The following TULP4 variants were observed in gnomAD, a reference collection of about 807,000 sequenced individuals.
The protein encoded by TULP4 is TUB like protein 4.
Under a neutral mutation model 129.0 loss-of-function variants are expected in TULP4, and 16 were observed. That is an observed-to-expected ratio of 0.12 (90% confidence interval 0.08 to 0.19). The LOEUF is 0.19. TULP4 is among the 10% of genes least tolerant of loss of function. The probability of loss-of-function intolerance (pLI) is 1.00; values close to 1 mark genes in which losing one functional copy is unlikely to be tolerated. For missense variants in TULP4, 1,842 were observed against 2,059.1 expected, an observed-to-expected ratio of 0.89 and a Z score of 2.04; for synonymous variants, 998 against 854.0, an observed-to-expected ratio of 1.17 and a Z score of -2.94.
At chr6:158,404,282 T>A (rs1031344387) in intron 1 of TULP4, among the ~76,000 whole-genome samples, 1 of 152,214 alleles carries the variant, frequency 6.6e-6, no homozygotes, top group Non-Finnish European at 1.5e-5. Flanking sequence ...TGGTAGAAAG[T>A]TCCATAGCCC....
At chr6:158,298,831 C>T (rs891748341) in intron 1 of TULP4, among the ~76,000 whole-genome samples, 15 of 152,112 alleles carry the variant, frequency 9.9e-5, no homozygotes, top group South Asian at 2.1e-4. Flanking sequence ...CAATGTTCTG[C>T]GCCACAAAGA....
At chr6:158,323,684 G>T (rs1303778347) in intron 1 of TULP4, among the ~76,000 whole-genome samples, 1 of 152,190 alleles carries the variant, frequency 6.6e-6, no homozygotes, top group East Asian at 1.9e-4. Flanking sequence ...TGGTAATAGG[G>T]ACTGAGAAGC....
intron 1 of TULP4, among the ~76,000 whole-genome samples, chr6:158,266,360 G>A (rs749405606): frequency 2.0e-4 from 31 of 152,160 alleles, no homozygotes; most frequent in Non-Finnish European, 3.8e-4. Flanking sequence ...GGGTTCCAGC[G>A]AATCTCATGC....
At chr6:158,317,501 C>CTT (rs36152252) in intron 1 of TULP4, among the ~76,000 whole-genome samples, 2 of 151,814 alleles carry the variant, frequency 1.3e-5, no homozygotes, top group Admixed American at 6.6e-5. Flanking sequence ...TGAACTCATC[C>CTT]TTTTTTATGG....
At chr6:158,356,979 A>G (rs1780663572) in intron 1 of TULP4, among the ~76,000 whole-genome samples, 1 of 152,128 alleles carries the variant, frequency 6.6e-6, no homozygotes, top group Admixed American at 6.5e-5. Context: ...AGGCACTTCC[A>G]TTTCCAAAAA....
upstream of TULP4, among the ~76,000 whole-genome samples, chr6:158,311,776 G>A (rs1271969921): frequency 6.6e-6 from 1 of 152,270 alleles, no homozygotes; most frequent in East Asian, 1.9e-4. Context: ...GTGGAAGAAT[G>A]GCAGTTATGA....
intron 1 of TULP4, among the ~76,000 whole-genome samples, chr6:158,341,022 T>C (rs1289985021): frequency 6.6e-6 from 1 of 152,172 alleles, no homozygotes; most frequent in African/African-American, 2.4e-5. Context: ...GAACACTAGA[T>C]CTTATTCCTT....
At chr6:158,375,191 C>T (rs546997202) in intron 1 of TULP4, among the ~76,000 whole-genome samples, 3 of 152,226 alleles carry the variant, frequency 2.0e-5, no homozygotes, top group African/African-American at 7.2e-5. Context: ...TGCAGTGAAC[C>T]GAGATCGCAC....
At position 158,325,776 on chromosome 6, in the gene TULP4, G is replaced by C. The variant is rs540502505; in HGVS notation, c.252+11508G>C. 7.5e-5 allele frequency among the ~76,000 whole-genome samples: 11 copies of C among 146,018 alleles called. No homozygotes were observed. In the East Asian group the frequency reaches 1.9e-3, roughly 26 times the overall value. On this transcript the variant is annotated intron_variant, in intron 1 of 13. Coordinates refer to ENST00000367097, the MANE Select transcript of TULP4 (RefSeq NM_020245.5). ...TCAGAATTTCATTTCACCTAAACTGGCTTATCTATTTTTATACCAAAGCTC... is the reference window on the plus strand; with the variant it reads ...TCAGAATTTCATTTCACCTAAACTGCCTTATCTATTTTTATACCAAAGCTC...
intron 1 of TULP4, among the ~76,000 whole-genome samples, chr6:158,381,240 A>G (rs988610022): frequency 1.3e-5 from 2 of 152,068 alleles, no homozygotes; most frequent in Non-Finnish European, 2.9e-5. Flanking sequence ...TGCCTCCACA[A>G]AGTAAATACA....
At chr6:158,374,354 A>T (rs1223972737) in intron 1 of TULP4, among the ~76,000 whole-genome samples, 1 of 151,936 alleles carries the variant, frequency 6.6e-6, no homozygotes, top group East Asian at 1.9e-4. Context: ...TAGTGTGGAT[A>T]TATTGCAAAT....
intron 1 of TULP4, among the ~76,000 whole-genome samples, chr6:158,326,316 T>TTTTTG (rs1393718062): frequency 6.6e-6 from 1 of 152,212 alleles, no homozygotes; most frequent in Non-Finnish European, 1.5e-5. Flanking sequence ...TCAGTTCATT[T>TTTTTG]TTTTGTTTTG....
In TULP4 at chr6:158,501,810, A is replaced by G; in HGVS notation, c.2147A>G (p.Asn716Ser). 3.1e-6 allele frequency: 5 copies of G among 1,614,128 alleles called. No individual in the cohort carries two copies. Among genetic ancestry groups the G allele is most frequent in the Non-Finnish European group, 4.2e-6 (5 of 1,180,022 alleles). Reference sequence around the variant, plus strand: ...GGGCTGGTGCAGTCCCTACTGGCCAATCAGAATGTGCAGCTAGATGTCCTG... The same window carrying G: ...GGGCTGGTGCAGTCCCTACTGGCCAGTCAGAATGTGCAGCTAGATGTCCTG... ...SIGLVQSLLA[N>S]QNVQLDVLTN... Residue 716 changes from asparagine (N) to serine (S), a missense_variant, in exon 13 of 14, where the codon AAT becomes AGT. This residue lies in a region of TULP4 where 99 missense variants were observed against 165.1 expected (regional missense o/e 0.60). Coordinates refer to ENST00000367097, the MANE Select transcript of TULP4 (RefSeq NM_020245.5).
chr6:158,277,870 T>C (rs1201109897), upstream of TULP4, among the ~76,000 whole-genome samples: 10 of 152,182 alleles, frequency 6.6e-5, 1 homozygote, highest in African/African-American at 1.9e-4. Context: ...CTGGCAGCAG[T>C]AACCTTTGTG....
At chr6:158,353,350 A>G (rs1780571868) in intron 1 of TULP4, among the ~76,000 whole-genome samples, 2 of 152,222 alleles carry the variant, frequency 1.3e-5, no homozygotes, top group African/African-American at 4.8e-5. Context: ...AATTTTCTTT[A>G]AATAGATTGC....
intron 1 of TULP4, among the ~76,000 whole-genome samples, chr6:158,298,433 G>A (rs190074986): frequency 2.8e-3 from 420 of 152,228 alleles, no homozygotes; most frequent in African/African-American, 9.4e-3. Context: ...AGCTCCAGCC[G>A]GTCCCTCCGT....
intron 6 of TULP4, among the ~76,000 whole-genome samples, chr6:158,475,137 C>A (rs1779788771): frequency 6.6e-6 from 1 of 152,238 alleles, no homozygotes; most frequent in African/African-American, 2.4e-5. Flanking sequence ...GGGCACCAGG[C>A]CTTGATTGCC....
intron 1 of TULP4, among the ~76,000 whole-genome samples, chr6:158,401,304 G>A (rs1181936039): frequency 2.0e-5 from 3 of 152,074 alleles, no homozygotes; most frequent in Non-Finnish European, 4.4e-5. Context: ...GAACTCCTGG[G>A]CTCAAGCGAG....
chr6:158,239,911 T>A (rs1583665237), intron 1 of TULP4, among the ~76,000 whole-genome samples: 1 of 54,376 alleles, frequency 1.8e-5, no homozygotes, highest in African/African-American at 5.7e-5. Context: ...GCCCCTCACC[T>A]CCCGGACGGG....
Sources: gnomAD v4.1 joint callset for allele counts (sites outside exome capture counted in the v4.1 genomes callset) on GRCh38, gnomAD v4.1.1 for gene constraint, gnomAD v4.1.1 regional missense constraint, MANE v1.5 for transcripts, NCBI Gene and HGNC (gene_info 2026-07-23, HGNC 2026-07-21) for gene names.